RBFOX1: variants seen among roughly 807,000 people sequenced by gnomAD.
The protein encoded by RBFOX1 is RNA binding fox-1 homolog 1, also known as RNA binding protein fox-1 homolog 1.
In RBFOX1, 8 loss-of-function variants were observed where a neutral mutation model predicts 57.7. The ratio of observed to expected loss-of-function variants is 0.14; its 90% CI spans 0.08 to 0.25. RBFOX1 has a LOEUF of 0.25. RBFOX1 is among the 10% of genes least tolerant of loss of function. RBFOX1 has a pLI of 1.00. For synonymous variants in RBFOX1, 326 were observed against 222.4 expected (o/e 1.47, Z -4.15); for missense variants, 611 against 548.5 (o/e 1.11, Z -1.14).
intron 4 of RBFOX1, among the ~76,000 whole-genome samples, chr16:7,251,105 A>T (rs760967391): frequency 6.6e-6 from 1 of 152,138 alleles, no homozygotes; most frequent in Non-Finnish European, 1.5e-5. Flanking sequence ...GATTTCTTGA[A>T]ACTATTCCTC....
At chr16:7,279,003 G>A (rs1439385071) in intron 4 of RBFOX1, among the ~76,000 whole-genome samples, 1 of 150,058 alleles carries the variant, frequency 6.7e-6, no homozygotes, top group Non-Finnish European at 1.5e-5. Flanking sequence ...CTTAAGAGCT[G>A]GATTTTAAAA....
intron 3 of RBFOX1, among the ~76,000 whole-genome samples, chr16:5,640,376 T>TCATG (rs199874101): frequency 9.9e-5 from 15 of 151,928 alleles, no homozygotes; most frequent in Non-Finnish European, 1.5e-4. Flanking sequence ...CACATGTACA[T>TCATG]CATGCATGCA....
chr16:7,109,110 CT>C (rs2064156773), intron 4 of RBFOX1, among the ~76,000 whole-genome samples: 1 of 152,088 alleles, frequency 6.6e-6, no homozygotes, highest in Non-Finnish European at 1.5e-5. Flanking sequence ...AAAGAGCCAC[CT>C]CTTTGAATTA....
At chr16:6,658,497 A>G (rs2098677090) in intron 3 of RBFOX1, among the ~76,000 whole-genome samples, 1 of 152,094 alleles carries the variant, frequency 6.6e-6, no homozygotes, top group Admixed American at 6.5e-5. Flanking sequence ...ATGAGCCACC[A>G]CACCCGGCCG....
chr16:6,318,686 T>C (rs986388929), intron 2 of RBFOX1, among the ~76,000 whole-genome samples: 1 of 152,122 alleles, frequency 6.6e-6, no homozygotes, highest in Non-Finnish European at 1.5e-5. Context: ...AGTACATGGA[T>C]GTAAGGGAGC....
At chr16:6,585,783 T>C (rs1434390410) in intron 2 of RBFOX1, among the ~76,000 whole-genome samples, 1 of 152,198 alleles carries the variant, frequency 6.6e-6, no homozygotes, top group East Asian at 1.9e-4. Context: ...ATTTAGTTTT[T>C]TTCTTCTTTC....
At position 5,831,492 on chromosome 16, in the gene RBFOX1, T is replaced by TTAC. The variant is rs140478421; in HGVS notation, c.319-35809_319-35808insCTA. Among the ~76,000 whole-genome samples the TTAC allele has an allele frequency of 2.0e-5, 3 of 148,306 alleles. No individual in the cohort carries two copies. In the East Asian group the frequency reaches 5.9e-4, roughly 29 times the overall value. ...TTCTCTTTTATTATTATTATTATTA[T>TTAC]TATTATTATTATTATTTGAGATGGA... is the stretch of plus-strand genomic sequence containing the variant. On this transcript the variant is annotated intron_variant, in intron 3 of 19. Transcript: ENST00000641259.
chr16:7,255,720 A>C (rs1193744883), intron 4 of RBFOX1, among the ~76,000 whole-genome samples: 1 of 152,250 alleles, frequency 6.6e-6, no homozygotes, highest in Non-Finnish European at 1.5e-5. Context: ...TGTTTGTTTT[A>C]ATAAATTTTA....
chr16:6,498,741 A>G (rs897816166), intron 2 of RBFOX1, among the ~76,000 whole-genome samples: 1 of 152,216 alleles, frequency 6.6e-6, no homozygotes, highest in Non-Finnish European at 1.5e-5. Context: ...AAATCTAAAT[A>G]ATAATTATAT....
At chr16:5,768,166 C>T (rs2053852075) in intron 3 of RBFOX1, among the ~76,000 whole-genome samples, 1 of 152,032 alleles carries the variant, frequency 6.6e-6, no homozygotes, top group Non-Finnish European at 1.5e-5. Flanking sequence ...TGTGTGGCCG[C>T]GTGAGATATA....
At chr16:5,335,996 C>T (rs1203473879) in intron 1 of RBFOX1, among the ~76,000 whole-genome samples, 3 of 152,038 alleles carry the variant, frequency 2.0e-5, no homozygotes, top group South Asian at 4.1e-4. Flanking sequence ...ATTATTAGTC[C>T]AATTTGGTAG....
intron 2 of RBFOX1, among the ~76,000 whole-genome samples, chr16:6,579,246 C>G (rs570418098): frequency 5.3e-5 from 8 of 151,956 alleles, no homozygotes; most frequent in Non-Finnish European, 1.0e-4. Flanking sequence ...TTCTGTTACC[C>G]AGGCTGGAGT....
intron 4 of RBFOX1, among the ~76,000 whole-genome samples, chr16:5,895,580 C>T (rs1249523360): frequency 5.3e-5 from 8 of 152,142 alleles, no homozygotes; most frequent in African/African-American, 1.9e-4. Flanking sequence ...CTGATGTGGC[C>T]CAGGGCATAG....
chr16:5,710,647 C>A (rs4786765), intron 3 of RBFOX1, among the ~76,000 whole-genome samples: 2 of 151,958 alleles, frequency 1.3e-5, no homozygotes, highest in Non-Finnish European at 2.9e-5. Flanking sequence ...TAAAGAATTG[C>A]GTGCAGTGGA....
At chr16:5,485,455 G>C (rs961598816) in intron 2 of RBFOX1, among the ~76,000 whole-genome samples, 1 of 151,260 alleles carries the variant, frequency 6.6e-6, no homozygotes, top group Non-Finnish European at 1.5e-5. Context: ...CCATTTTAGA[G>C]TTTACCTACC....
intron 2 of RBFOX1, among the ~76,000 whole-genome samples, chr16:6,609,436 C>G (rs983648172): frequency 1.3e-5 from 2 of 152,096 alleles, no homozygotes; most frequent in Non-Finnish European, 2.9e-5. Flanking sequence ...TCTCCTCTGC[C>G]TCCCAGGCTC....
chr16:7,702,233 T>G (rs1232698931), intron 14 of RBFOX1, among the ~76,000 whole-genome samples: 1 of 152,334 alleles, frequency 6.6e-6, no homozygotes, highest in East Asian at 1.9e-4. Flanking sequence ...ACTGATCATT[T>G]CAGAGATATA....
chr16:6,220,802 T>G (rs2152878396), intron 1 of RBFOX1, among the ~76,000 whole-genome samples: 1 of 152,300 alleles, frequency 6.6e-6, no homozygotes, highest in East Asian at 1.9e-4. Flanking sequence ...GGTGCCTTTC[T>G]TCCACCCTCA....
chr16:7,156,262 GTGTACATGTACA>G (rs61624955), intron 4 of RBFOX1, among the ~76,000 whole-genome samples: 1 of 151,412 alleles, frequency 6.6e-6, no homozygotes. Context: ...ACATATGTAT[GTGTACATGTACA>G]TGTACATATA....
Sources: allele counts gnomAD v4.1 joint callset (sites outside exome capture counted in the v4.1 genomes callset), GRCh38; gene constraint gnomAD v4.1.1; transcripts MANE v1.5; gene names NCBI Gene and HGNC (gene_info 2026-07-23, HGNC 2026-07-21).